Variants in TBXAS1 observed in about 807,000 individuals in gnomAD.
TBXAS1 encodes the protein thromboxane A synthase 1.
TBXAS1 carries 48 observed loss-of-function variants against 60.7 expected under a neutral mutation model. The ratio of observed to expected loss-of-function variants is 0.79; its 90% CI spans 0.63 to 1.01. The LOEUF (loss-of-function observed/expected upper bound fraction) is 1.01, where lower values mean the gene tolerates loss of function less well. TBXAS1 is among the 50% of genes least tolerant of loss of function. The probability of loss-of-function intolerance (pLI) is 0.00; values close to 1 mark genes in which losing one functional copy is unlikely to be tolerated. For missense variants in TBXAS1, 685 were observed against 686.3 expected, an observed-to-expected ratio of 1.00 and a Z score of 0.02; for synonymous variants, 287 against 269.7, an observed-to-expected ratio of 1.06 and a Z score of -0.63.
intron 9 of TBXAS1, among the ~76,000 whole-genome samples, chr7:139,994,906 A>G (rs141931887): frequency 3.2e-4 from 49 of 152,280 alleles, no homozygotes; most frequent in African/African-American, 1.1e-3. Context: ...CGGGCATCCC[A>G]CCTGACGACA....
chr7:139,913,030 G>A, intron 4 of TBXAS1: 1 of 686,400 alleles, frequency 1.5e-6, no homozygotes, highest in Admixed American at 2.0e-5. Context: ...TGGAGTAATT[G>A]GCCACTCACC....
In TBXAS1 at chr7:140,007,139, A is replaced by G. The variant is rs758061526; in HGVS notation, c.1183A>G (p.Met395Val). The stretch of plus-strand genomic sequence containing the variant: ...CGAGGAAGGCCTGCCCTATCTGGAC[A>G]TGGTGATTGCAGAGACGCTGAGGAT... ...SLEEGLPYLDMVIAETLRMYP... is the reference protein window; with the variant it reads ...SLEEGLPYLDVVIAETLRMYP... Residue 395 changes from methionine (M) to valine (V), a missense_variant, in exon 10 of 13, where the codon ATG (methionine) becomes GTG (valine). Transcript: ENST00000448866. 5 of 1,614,116 alleles carry G rather than the reference A, an allele frequency of 3.1e-6. No homozygotes were observed. Among genetic ancestry groups the G allele is most frequent in the Admixed American group, 1.7e-5 (1 of 60,016 alleles).
chr7:139,841,253 G>T (rs542264238), intron 1 of TBXAS1, among the ~76,000 whole-genome samples: 17 of 152,212 alleles, frequency 1.1e-4, no homozygotes, highest in Non-Finnish European at 2.2e-4. Flanking sequence ...GAAGCAGAAG[G>T]TCTTGGGCTG....
intron 4 of TBXAS1, among the ~76,000 whole-genome samples, chr7:139,818,991 T>C (rs2116433221): frequency 6.6e-6 from 1 of 152,348 alleles, no homozygotes; most frequent in South Asian, 2.1e-4. Context: ...CTTGGCTTTT[T>C]AGCAGAGGGC....
chr7:139,986,774 T>A (rs1259592260), intron 9 of TBXAS1, among the ~76,000 whole-genome samples: 1 of 47,646 alleles, frequency 2.1e-5, no homozygotes, highest in Non-Finnish European at 3.8e-5. Flanking sequence ...TGTGTGTGTG[T>A]GTGTGTGTGT....
chr7:139,979,207 A>G lies in TBXAS1; in HGVS notation c.1134+16974A>G, dbSNP rs527871473. 2.6e-5 allele frequency among the ~76,000 whole-genome samples: 4 copies of G among 152,266 alleles called. No individual in the cohort carries two copies. In the South Asian group the frequency reaches 8.3e-4, roughly 32 times the overall value. On this transcript the variant is annotated intron_variant, in intron 9 of 12. Transcript: ENST00000448866. ...CCACCACCGGAGCCAGGTCTCTGTC[A>G]CGGTGATGAGAAGTTCCCAAAGTCA... is the stretch of plus-strand genomic sequence containing the variant.
chr7:139,995,634 G>A (rs545154537), intron 9 of TBXAS1, among the ~76,000 whole-genome samples: 13 of 152,242 alleles, frequency 8.5e-5, no homozygotes, highest in Non-Finnish European at 1.8e-4. Flanking sequence ...GAAAAGCCCC[G>A]GTGGACCTGG....
intron 3 of TBXAS1, among the ~76,000 whole-genome samples, chr7:139,898,559 T>A (rs1312479428): frequency 6.6e-6 from 1 of 151,826 alleles, no homozygotes; most frequent in Non-Finnish European, 1.5e-5. Flanking sequence ...AATCCTGACC[T>A]CAGGTGATCC....
At chr7:139,803,891 G>A (rs572257362) in intron 4 of TBXAS1, among the ~76,000 whole-genome samples, 12 of 152,372 alleles carry the variant, frequency 7.9e-5, no homozygotes, top group African/African-American at 2.9e-4. Flanking sequence ...TGGATGTCCA[G>A]GTGGAAGTTT....
At position 139,896,193 on chromosome 7, in the gene TBXAS1, G is replaced by A. The variant is rs1011424044; in HGVS notation, c.237-15032G>A. 2.0e-5 allele frequency among the ~76,000 whole-genome samples: 3 copies of A among 152,150 alleles called. No individual in the cohort carries two copies. Among genetic ancestry groups the A allele is most frequent in the African/African-American group, 7.2e-5 (3 of 41,428 alleles). On this transcript the variant is annotated intron_variant, in intron 3 of 12. Transcript: ENST00000448866. This position sits in a 1 kb window ranked among gnomAD's most constrained non-coding sequence, Gnocchi z 4.0. ...GATGGGCTTTGTCTTGAGAGAACTT[G>A]CAGAGCGATCAGGAGCTTATCAATA...
chr7:139,809,252 TA>T (rs1440595258), intron 4 of TBXAS1, among the ~76,000 whole-genome samples: 26 of 149,604 alleles, frequency 1.7e-4, no homozygotes, highest in African/African-American at 6.0e-4. Flanking sequence ...GATAGATAGA[TA>T]GATAGATAGA....
At chr7:139,875,793 G>T in intron 3 of TBXAS1, 156 bp downstream of exon 3, 2 of 982,034 alleles carry the variant, frequency 2.0e-6, no homozygotes, top group Non-Finnish European at 3.1e-6. Flanking sequence ...AGGGAGTCCT[G>T]CAGTACAGAC....
chr7:139,891,787 A>T (rs992687072), intron 3 of TBXAS1, among the ~76,000 whole-genome samples: 8 of 152,212 alleles, frequency 5.3e-5, no homozygotes, highest in Non-Finnish European at 1.0e-4. Flanking sequence ...CTTTCATGTC[A>T]GATTTGTCTC....
At chr7:139,997,461 C>T (rs564656025) in intron 9 of TBXAS1, among the ~76,000 whole-genome samples, 8 of 152,158 alleles carry the variant, frequency 5.3e-5, no homozygotes, top group African/African-American at 1.4e-4. Context: ...TGTTGGAATG[C>T]GTTTTTGCTT....
At chr7:139,884,421 C>T (rs1467141183) in intron 3 of TBXAS1, among the ~76,000 whole-genome samples, 2 of 152,220 alleles carry the variant, frequency 1.3e-5, no homozygotes, top group Non-Finnish European at 2.9e-5. Flanking sequence ...GATATCTTCT[C>T]CCAGGTAGGT....
chr7:139,815,127 A>G (rs898592104), intron 4 of TBXAS1, among the ~76,000 whole-genome samples: 1 of 152,242 alleles, frequency 6.6e-6, no homozygotes, highest in Non-Finnish European at 1.5e-5. Context: ...ATTTTGATGT[A>G]AGAGAATGTA....
At chr7:140,003,944 A>G (rs1038446739) in intron 9 of TBXAS1, among the ~76,000 whole-genome samples, 1 of 152,208 alleles carries the variant, frequency 6.6e-6, no homozygotes, top group East Asian at 1.9e-4. Flanking sequence ...CTGGAACTCC[A>G]TGGGGCACCG....
intron 3 of TBXAS1, among the ~76,000 whole-genome samples, chr7:139,878,184 A>G (rs1316247557): frequency 6.8e-6 from 1 of 146,988 alleles, no homozygotes; most frequent in East Asian, 2.0e-4. Flanking sequence ...AAAAGGAGAG[A>G]GAAAGAGACA....
At chr7:140,006,952 T>C (rs754097311) in intron 9 of TBXAS1, 139 bp from the exon 10 acceptor site, 97 of 848,372 alleles carry the variant, frequency 1.1e-4, no homozygotes, top group Non-Finnish European at 1.9e-4. Context: ...ATTTGGGTCA[T>C]ACCGACTTTC....
Sources: gnomAD v4.1 joint callset for allele counts (sites outside exome capture counted in the v4.1 genomes callset) on GRCh38, gnomAD v4.1.1 for gene constraint, Gnocchi (gnomAD v3.1) non-coding constraint, MANE v1.5 for transcripts, NCBI Gene and HGNC (gene_info 2026-07-23, HGNC 2026-07-21) for gene names.